MAP2: variants seen among roughly 807,000 people sequenced by gnomAD.
MAP2 encodes microtubule associated protein 2.
A neutral mutation model predicts 137.6 loss-of-function variants in MAP2; 14 were observed. The ratio of observed to expected loss-of-function variants is 0.10; its 90% confidence interval spans 0.07 to 0.16. MAP2 has a LOEUF of 0.16. Among genes scored for constraint, MAP2 ranks in the 10% least tolerant of loss-of-function variants. The probability of loss-of-function intolerance (pLI) is 1.00; values close to 1 mark genes in which losing one functional copy is unlikely to be tolerated. For missense variants in MAP2, 2,088 were observed against 2,191.5 expected (o/e 0.95, Z 0.94); for synonymous variants, 786 against 782.3 (o/e 1.00, Z -0.08).
At chr2:209,657,814 G>A (rs1479456808) in intron 5 of MAP2, among the ~76,000 whole-genome samples, 1 of 152,072 alleles carries the variant, frequency 6.6e-6, no homozygotes, top group Admixed American at 6.6e-5. Flanking sequence ...TACTTTTGGG[G>A]TGTTAGTCAT....
intron 2 of MAP2, among the ~76,000 whole-genome samples, chr2:209,521,227 C>G (rs187023547): frequency 1.3e-5 from 2 of 152,172 alleles, no homozygotes; most frequent in African/African-American, 4.8e-5. Context: ...GTCTTGCTCA[C>G]TTTTATTCAG....
Position 209,469,311 on chromosome 2 carries a change from G to A in MAP2, c.-221-38281G>A, listed in dbSNP as rs147099431. On this transcript the variant is annotated intron_variant, in intron 1 of 15. Coordinates refer to ENST00000682079, the MANE Select transcript of MAP2 (RefSeq NM_001375505.1). ...TAAACTAGATACGATATGTTCCATT[G>A]TCTTCCATAAGATGTTTGTTCCTGG... Among the ~76,000 whole-genome samples the A allele has an allele frequency of 9.2e-5, 14 of 152,146 alleles. No homozygotes were observed. In the East Asian group the frequency reaches 1.9e-3, roughly 21 times the overall value.
At chr2:209,559,479 CAAAAAAAAAAAAAAA>C (rs59788211) in intron 2 of MAP2, among the ~76,000 whole-genome samples, 1 of 37,544 alleles carries the variant, frequency 2.7e-5, no homozygotes, top group Non-Finnish European at 5.5e-5. Context: ...GCCAAAAATA[CAAAAAAAAAAAAAAA>C]AAAAAAAAAA....
At chr2:209,582,492 G>C (rs745395709) in intron 3 of MAP2, among the ~76,000 whole-genome samples, 2 of 152,050 alleles carry the variant, frequency 1.3e-5, no homozygotes, top group Non-Finnish European at 2.9e-5. Flanking sequence ...TCCCAGGCTT[G>C]ACATTGTTTA....
intron 2 of MAP2, among the ~76,000 whole-genome samples, chr2:209,540,497 G>GTTGTTATCTTGACAATGTTCATA (rs1577555286): frequency 8.6e-5 from 13 of 150,476 alleles, no homozygotes; most frequent in African/African-American, 3.0e-4. Flanking sequence ...CGAGCGTGGT[G>GTTGTTATCTTGACAATGTTCATA]GCACGCGTCT....
At chr2:209,676,730 T>TAC (rs2051788152) in intron 5 of MAP2, among the ~76,000 whole-genome samples, 1 of 20,900 alleles carries the variant, frequency 4.8e-5, no homozygotes, top group Non-Finnish European at 1.2e-4. Flanking sequence ...CATATATATA[T>TAC]ATATATATAT....
In MAP2 at chr2:209,435,993, T is replaced by TAG; in HGVS notation, c.-222+11718_-222+11719insGA. 2.9e-5 allele frequency among the ~76,000 whole-genome samples: 2 copies of TAG among 69,256 alleles called. 1 individual carries two copies. The highest frequency in any genetic ancestry group is 5.3e-4 in the African/African-American group (2 of 3,744). 45.4% of individuals were successfully genotyped at this position (69,256 alleles called of 152,430 possible). On this transcript the variant is annotated intron_variant, in intron 1 of 15. Transcript: ENST00000682079. Reference sequence around the variant, plus strand: ...TATATAATATATACAGTATATATTATATACTATATATACAGTATATATTAT... The same window carrying TAG: ...TATATAATATATACAGTATATATTATAGATACTATATATACAGTATATATTAT...
chr2:209,521,211 GAC>G (rs2063228060), intron 2 of MAP2, among the ~76,000 whole-genome samples: 1 of 151,974 alleles, frequency 6.6e-6, no homozygotes, highest in Non-Finnish European at 1.5e-5. Context: ...GAACAAGAAA[GAC>G]ACAGTCTTGC....
At chr2:209,647,125 A>T (rs894412837) in intron 4 of MAP2, among the ~76,000 whole-genome samples, 1 of 152,066 alleles carries the variant, frequency 6.6e-6, no homozygotes, top group Non-Finnish European at 1.5e-5. Flanking sequence ...GGAGCCACAC[A>T]CTTTTAAACA....
Position 209,695,788 on chromosome 2 carries a change from G to C in MAP2, c.3618G>C (p.Glu1206Asp), listed in dbSNP as rs749797441. 1.2e-6 allele frequency: 2 copies of C among 1,613,816 alleles called. No individual in the cohort carries two copies. Among genetic ancestry groups the C allele is most frequent in the African/African-American group, 2.7e-5 (2 of 74,886 alleles). The stretch of plus-strand genomic sequence containing the variant: ...AGGGGCCAAAAGAAGAAAGCAAAGA[G>C]ACCCCAGATATATCCATCACGCCTT... ...FIQGPKEESK[E>D]TPDISITPSD... Residue 1206 changes from glutamate to aspartate, a missense_variant, in exon 8 of 16, where the codon GAG (glutamate) becomes GAC (aspartate). Around this residue, in one of 6 missense-constraint regions of MAP2, gnomAD observed 591 missense variants for 642.6 expected, o/e 0.92. Transcript: ENST00000682079.
At chr2:209,486,539 C>T (rs1469665422) in intron 1 of MAP2, among the ~76,000 whole-genome samples, 1 of 152,084 alleles carries the variant, frequency 6.6e-6, no homozygotes, top group East Asian at 1.9e-4. Context: ...AACTTTCTTA[C>T]AGTAGAATAA....
At chr2:209,721,704 G>C (rs976797746) in intron 13 of MAP2, among the ~76,000 whole-genome samples, 3 of 152,122 alleles carry the variant, frequency 2.0e-5, no homozygotes, top group African/African-American at 7.2e-5. Flanking sequence ...TGTAACAAGT[G>C]AATCAGATTT....
At chr2:209,530,886 G>C (rs1338130605) in intron 2 of MAP2, among the ~76,000 whole-genome samples, 1 of 152,020 alleles carries the variant, frequency 6.6e-6, no homozygotes, top group African/African-American at 2.4e-5. Flanking sequence ...CTCCCATATT[G>C]TTCTGTTTCC....
intron 1 of MAP2, among the ~76,000 whole-genome samples, chr2:209,445,280 C>T (rs1275509112): frequency 6.6e-6 from 1 of 151,628 alleles, no homozygotes; most frequent in Non-Finnish European, 1.5e-5. Flanking sequence ...GGTTTACGTT[C>T]ACCTTTATTT....
At chr2:209,598,626 T>C (rs1420648300) in intron 3 of MAP2, among the ~76,000 whole-genome samples, 2 of 134,564 alleles carry the variant, frequency 1.5e-5, no homozygotes, top group Non-Finnish European at 3.1e-5. Context: ...GTCCCCAGAG[T>C]GTGATGTTCC....
At position 209,712,255 on chromosome 2, in the gene MAP2, T is replaced by G. The variant is rs916947752; in HGVS notation, c.5073+2001T>G. 3.7e-4 allele frequency among the ~76,000 whole-genome samples: 56 copies of G among 152,126 alleles called. 1 individual carries two copies. Among genetic ancestry groups the G allele is most frequent in the Admixed American group, 2.8e-3 (42 of 15,268 alleles). ...GTAATTGACTTCTATATTTGGTAAT[T>G]CATAAAATTGATACAAAATATCTCA... On this transcript the variant is annotated intron_variant, in intron 13 of 15. Transcript: ENST00000682079.
At chr2:209,449,508 C>T (rs912120367) in intron 1 of MAP2, among the ~76,000 whole-genome samples, 5 of 151,920 alleles carry the variant, frequency 3.3e-5, no homozygotes, top group African/African-American at 1.2e-4. Flanking sequence ...GTCTAAAATG[C>T]ATAGTAATTT....
At chr2:209,538,533 T>C (rs2066351177) in intron 2 of MAP2, among the ~76,000 whole-genome samples, 1 of 146,680 alleles carries the variant, frequency 6.8e-6, no homozygotes, top group East Asian at 2.0e-4. Context: ...GACAGAAGAG[T>C]CCTTTTTTTT....
intron 1 of MAP2, among the ~76,000 whole-genome samples, chr2:209,479,576 A>G (rs1407088915): frequency 6.6e-6 from 1 of 152,182 alleles, no homozygotes; most frequent in Non-Finnish European, 1.5e-5. Context: ...TATAGTAACA[A>G]TGTTGATTTC....
Sources: allele counts gnomAD v4.1 joint callset (sites outside exome capture counted in the v4.1 genomes callset), GRCh38; gene constraint gnomAD v4.1.1; regional missense constraint gnomAD v4.1.1; transcripts MANE v1.5; gene names NCBI Gene and HGNC (gene_info 2026-07-23, HGNC 2026-07-21).